BTBD16: variants seen among roughly 807,000 people sequenced by gnomAD.
The protein encoded by BTBD16 is BTB domain containing 16.
BTBD16 carries 66 observed loss-of-function variants against 67.4 expected under a neutral mutation model. The observed-to-expected ratio is 0.98, with a 90% CI of 0.80 to 1.20. BTBD16 has a LOEUF of 1.20. Ranked by LOEUF, BTBD16 falls within the 50% of genes most tolerant of loss-of-function variation. The pLI is 0.00. For missense variants in BTBD16, 634 were observed against 616.0 expected (o/e 1.03, Z -0.31); for synonymous variants, 242 against 236.4 (o/e 1.02, Z -0.22).
At chr10:122,306,190 G>A (rs1234714882) in intron 9 of BTBD16, among the ~76,000 whole-genome samples, 2 of 152,166 alleles carry the variant, frequency 1.3e-5, no homozygotes, top group Non-Finnish European at 2.9e-5. Flanking sequence ...ACTGAGAAAA[G>A]GGCCATAAGC....
intron 7 of BTBD16, among the ~76,000 whole-genome samples, chr10:122,293,228 G>A (rs1179050861): frequency 6.6e-6 from 1 of 152,218 alleles, no homozygotes; most frequent in Non-Finnish European, 1.5e-5. Flanking sequence ...TCCAAGCCAA[G>A]AGAAGACATT....
rs73363991 is a variant in BTBD16 at position 122,336,607 on chromosome 10, C to T, written c.1377C>T (p.Asp459=). 2.6e-3 allele frequency: 4,211 copies of T among 1,612,584 alleles called. 102 individuals are homozygous for T. In the African/African-American group the frequency reaches 0.049, roughly 19 times the overall value. The change falls in exon 15 of 16, where the codon GAC becomes GAT. Residue 459 remains aspartate (D), a synonymous_variant. Transcript: ENST00000260723. ...AGATCAGAGCAGAGGCCCTGGTTGA[C>T]GGCAAGTGGCAGGAGTTCAGGACAA... ...KYEIRAEALV[D]GKWQEFRTNQ... is the part of the protein sequence containing the mutation.
chr10:122,320,930 G>A (rs1243220128), intron 10 of BTBD16, among the ~76,000 whole-genome samples: 3 of 152,054 alleles, frequency 2.0e-5, no homozygotes, highest in Non-Finnish European at 4.4e-5. Flanking sequence ...TGATGCTCAG[G>A]TGCGGTACAA....
chr10:122,283,904 A>G lies in BTBD16; in HGVS notation c.221A>G (p.Asp74Gly), dbSNP rs1490846704. ...TTCTTTGAGAATTTCAAGAACAAGG[A>G]CATCCAAAGTGGGGAAGCAGGTGAG... The part of the protein sequence containing the change: ...KFFFENFKNK[D>G]IQSGEADVIL... The change falls in exon 4 of 16, where the codon GAC becomes GGC. Residue 74 changes from aspartate to glycine, a missense_variant. Coordinates refer to ENST00000260723, the MANE Select transcript of BTBD16 (RefSeq NM_144587.5). 5.6e-6 allele frequency: 9 copies of G among 1,613,860 alleles called. No homozygotes were observed. Among genetic ancestry groups the G allele is most frequent in the Non-Finnish European group, 7.6e-6 (9 of 1,179,820 alleles).
intron 10 of BTBD16, among the ~76,000 whole-genome samples, chr10:122,325,120 G>A (rs1363756592): frequency 6.6e-6 from 1 of 152,234 alleles, no homozygotes; most frequent in East Asian, 1.9e-4. Context: ...AAGTGTGTGT[G>A]AGCATGTGCA....
chr10:122,329,589 C>T lies in BTBD16; in HGVS notation c.1003+18C>T, dbSNP rs759156865. ...CACCAAAGGTAAGCCCCAGTCCAGG[C>T]GAGCGCATCCACGGGAAAGCTGCTG... On this transcript the variant is annotated intron_variant, in intron 11 of 15. Coordinates refer to ENST00000260723, the MANE Select transcript of BTBD16 (RefSeq NM_144587.5). The T allele has an allele frequency of 6.8e-6, 11 of 1,609,084 alleles. 1 individual carries two copies. The Middle Eastern group carries it at 5.2e-4, about 75-fold the overall frequency.
intron 10 of BTBD16, among the ~76,000 whole-genome samples, chr10:122,308,867 C>A (rs1590075966): frequency 6.6e-6 from 1 of 152,186 alleles, no homozygotes; most frequent in Non-Finnish European, 1.5e-5. Context: ...ATCTCCTGAG[C>A]CCCGGGCTCC....
intron 10 of BTBD16, among the ~76,000 whole-genome samples, chr10:122,310,660 G>A (rs573921258): frequency 3.3e-5 from 5 of 152,278 alleles, no homozygotes; most frequent in East Asian, 1.9e-4. Flanking sequence ...AAACAGGCTC[G>A]GAAATGAGAA....
At chr10:122,317,925 A>G (rs200165564) in intron 10 of BTBD16, among the ~76,000 whole-genome samples, 2 of 152,230 alleles carry the variant, frequency 1.3e-5, no homozygotes, top group East Asian at 3.8e-4. Flanking sequence ...AATAAAGATT[A>G]AAAGTATATA....
At chr10:122,301,129 C>G (rs957469130) in intron 9 of BTBD16, among the ~76,000 whole-genome samples, 4 of 152,150 alleles carry the variant, frequency 2.6e-5, no homozygotes, top group Non-Finnish European at 5.9e-5. Flanking sequence ...GGTGCTCCCC[C>G]ACTCCCCAGC....
At chr10:122,334,475 G>A (rs1250454311) in intron 13 of BTBD16, among the ~76,000 whole-genome samples, 1 of 125,330 alleles carries the variant, frequency 8.0e-6, no homozygotes, top group Non-Finnish European at 1.6e-5. Context: ...GATTACAGGT[G>A]TGAGCCACCG....
At chr10:122,274,372 A>G (rs1366881660) in intron 1 of BTBD16, among the ~76,000 whole-genome samples, 1 of 152,198 alleles carries the variant, frequency 6.6e-6, no homozygotes, top group Non-Finnish European at 1.5e-5. Flanking sequence ...AACAGCCACC[A>G]ACTCCTGGTG....
intron 1 of BTBD16, among the ~76,000 whole-genome samples, chr10:122,273,833 A>C (rs906405860): frequency 6.6e-6 from 1 of 152,260 alleles, no homozygotes; most frequent in African/African-American, 2.4e-5. Flanking sequence ...ACAAGCATAT[A>C]TTATTAATAC....
chr10:122,299,504 C>T (rs1431574426), intron 9 of BTBD16, among the ~76,000 whole-genome samples: 2 of 151,960 alleles, frequency 1.3e-5, no homozygotes, highest in African/African-American at 4.8e-5. Flanking sequence ...ACATCTCCGG[C>T]GCTGGCACCT....
At position 122,329,484 on chromosome 10, in the gene BTBD16, C is replaced by T. The variant is rs1365458482; in HGVS notation, c.916C>T (p.Pro306Ser). The T allele has an allele frequency of 6.2e-7, 1 of 1,613,924 alleles. No individual in the cohort carries two copies. Among genetic ancestry groups the T allele is most frequent in the African/African-American group, 1.3e-5 (1 of 75,050 alleles). ...ETVMTFFKSF[P>S]ENCCFLDRDI... ...CTTCTTTATGCCTCTGCTAAGCTTT[C>T]CTGAGAACTGTTGCTTTCTGGACCG... Residue 306 changes from proline to serine, a missense_variant, in exon 11 of 16, where the codon CCT becomes TCT. Physicochemically the swap from Pro to Ser is moderately conservative, Grantham distance 74. Coordinates refer to ENST00000260723, the MANE Select transcript of BTBD16 (RefSeq NM_144587.5).
In BTBD16 at chr10:122,286,257, T is replaced by C; in HGVS notation, c.385+9T>C. On this transcript the variant is annotated intron_variant, in intron 5 of 15. Coordinates refer to ENST00000260723, the MANE Select transcript of BTBD16 (RefSeq NM_144587.5). Reference sequence around the variant, plus strand: ...GGAGGAGCTTCTGCGAGGTACTTCCTCCCTGGCACCCAGTGCTGGAGCCCC... The same window carrying C: ...GGAGGAGCTTCTGCGAGGTACTTCCCCCCTGGCACCCAGTGCTGGAGCCCC... 6.2e-7 allele frequency: 1 copy of C among 1,600,042 alleles called. No individual in the cohort carries two copies. Among genetic ancestry groups the C allele is most frequent in the Non-Finnish European group, 8.5e-7 (1 of 1,170,998 alleles).
chr10:122,299,274 G>A, intron 9 of BTBD16, 140 bp downstream of exon 9: 2 of 1,110,288 alleles, frequency 1.8e-6, no homozygotes, highest in Non-Finnish European at 2.5e-6. Context: ...AGCCTTGGCT[G>A]GGGCTGGAAC....
intron 11 of BTBD16, 77 bp downstream of exon 11, chr10:122,329,648 A>G: frequency 8.2e-7 from 1 of 1,218,354 alleles, no homozygotes; most frequent in Non-Finnish European, 1.2e-6. Flanking sequence ...CTGCCGGGGG[A>G]GCCCCACCTG....
chr10:122,314,617 A>C (rs1054822384), intron 10 of BTBD16, among the ~76,000 whole-genome samples: 1 of 152,152 alleles, frequency 6.6e-6, no homozygotes, highest in Non-Finnish European at 1.5e-5. Context: ...ATGTTTGCTG[A>C]CTCTATTGTA....
Sources: gnomAD v4.1 joint callset for allele counts (sites outside exome capture counted in the v4.1 genomes callset) on GRCh38, gnomAD v4.1.1 for gene constraint, MANE v1.5 for transcripts, NCBI Gene and HGNC (gene_info 2026-07-23, HGNC 2026-07-21) for gene names.